Variants in PDE3B observed in about 807,000 individuals in gnomAD.
PDE3B encodes phosphodiesterase 3B.
PDE3B carries 66 observed loss-of-function variants against 116.8 expected under a neutral mutation model. The ratio of observed to expected loss-of-function variants is 0.56; its 90% confidence interval spans 0.46 to 0.69. The LOEUF (loss-of-function observed/expected upper bound fraction) is 0.69. Ranked by LOEUF, PDE3B falls within the 30% of genes least tolerant of loss-of-function variation. The pLI is 0.00. For synonymous variants in PDE3B, 595 were observed against 533.6 expected, an observed-to-expected ratio of 1.12 and a Z score of -1.59; for missense variants, 1,384 against 1,368.1, an observed-to-expected ratio of 1.01 and a Z score of -0.18.
rs533202819 is a variant in PDE3B at position 14,784,688 on chromosome 11, T to C, written c.1030-1749T>C. ...GCAAACTTATGGCCTGACAGAAGTA[T>C]TTACCTTAAAAGGATACAATATGAA... is the stretch of plus-strand genomic sequence containing the variant. On this transcript the variant is annotated intron_variant, in intron 2 of 15. Coordinates refer to ENST00000282096, the MANE Select transcript of PDE3B (RefSeq NM_000922.4). 3.3e-5 allele frequency among the ~76,000 whole-genome samples: 5 copies of C among 152,170 alleles called. No individual in the cohort carries two copies. In the East Asian group the frequency reaches 7.7e-4, roughly 23 times the overall value.
intron 1 of PDE3B, among the ~76,000 whole-genome samples, chr11:14,655,147 TAAAAG>T (rs1853678349): frequency 6.6e-6 from 1 of 151,908 alleles, no homozygotes; most frequent in African/African-American, 2.4e-5. Flanking sequence ...AGGTTGGAAA[TAAAAG>T]AATGGAAAAA....
At chr11:14,662,794 A>G (rs1853976323) in intron 1 of PDE3B, among the ~76,000 whole-genome samples, 1 of 152,236 alleles carries the variant, frequency 6.6e-6, no homozygotes, top group South Asian at 2.1e-4. Context: ...GCCTCCAAGA[A>G]ATATGGGACT....
chr11:14,892,196 G>T, the PDE3B span: 2 of 1,610,154 alleles, frequency 1.2e-6, no homozygotes, highest in South Asian at 1.1e-5. Context: ...GCTCTCCAAA[G>T]CTTCCACATC....
At chr11:14,867,398 T>C in intron 14 of PDE3B, 108 bp from the exon 15 acceptor site, 1 of 859,566 alleles carries the variant, frequency 1.2e-6, no homozygotes, top group Admixed American at 2.8e-5. Flanking sequence ...AAAAAATATT[T>C]TGATATAGAT....
At chr11:14,663,139 G>C (rs2133766046) in intron 1 of PDE3B, among the ~76,000 whole-genome samples, 1 of 152,272 alleles carries the variant, frequency 6.6e-6, no homozygotes, top group Admixed American at 6.5e-5. Flanking sequence ...CCAGAAGAGA[G>C]TGGGGGCCAA....
chr11:14,671,168 A>G (rs1326749866), intron 1 of PDE3B, among the ~76,000 whole-genome samples: 1 of 152,200 alleles, frequency 6.6e-6, no homozygotes, highest in Non-Finnish European at 1.5e-5. Context: ...AATAAATTTC[A>G]GGTAGTTTTA....
intron 1 of PDE3B, among the ~76,000 whole-genome samples, chr11:14,731,339 A>G (rs1382184983): frequency 6.7e-6 from 1 of 150,270 alleles, no homozygotes; most frequent in African/African-American, 2.5e-5. Context: ...GCTCACTGCA[A>G]GTTCCGCGTC....
chr11:14,779,055 G>A (rs1393953428), intron 2 of PDE3B, among the ~76,000 whole-genome samples: 1 of 152,134 alleles, frequency 6.6e-6, no homozygotes, highest in Non-Finnish European at 1.5e-5. Flanking sequence ...ATTCGATCAA[G>A]TAGAAGAAAG....
chr11:14,721,934 A>C (rs1339191308), intron 1 of PDE3B, among the ~76,000 whole-genome samples: 1 of 148,490 alleles, frequency 6.7e-6, no homozygotes, highest in Admixed American at 6.8e-5. Context: ...ATTAAAAAAA[A>C]AAAAAAAGAA....
chr11:14,796,444 A>G (rs763912222), intron 4 of PDE3B, among the ~76,000 whole-genome samples: 1 of 152,244 alleles, frequency 6.6e-6, no homozygotes, highest in South Asian at 2.1e-4. Flanking sequence ...AAGAATCGCC[A>G]CACTGTCTTC....
rs1266665631 is a variant in PDE3B at position 14,643,847 on chromosome 11, T to C, written c.-229T>C. On this transcript the variant is annotated 5_prime_UTR_variant, in exon 1 of 16. Transcript: ENST00000282096. ...AGGGAAAAGGAGGCGGCAGCTAAACTGGTCCTGGAGAGAAGCCCCTTCCGC... is the reference window on the plus strand; with the variant it reads ...AGGGAAAAGGAGGCGGCAGCTAAACCGGTCCTGGAGAGAAGCCCCTTCCGC... The C allele has an allele frequency of 4.0e-6, 2 of 498,316 alleles. No homozygotes were observed. Among genetic ancestry groups the C allele is most frequent in the African/African-American group, 4.0e-5 (2 of 49,704 alleles). 30.9% of individuals were successfully genotyped at this position (498,316 alleles called of 1,614,324 possible). A position where few individuals can be genotyped will look rare whatever the true frequency, so the allele number is the denominator to read the frequency against.
At chr11:14,782,077 A>G (rs1414390054) in intron 2 of PDE3B, among the ~76,000 whole-genome samples, 3 of 152,190 alleles carry the variant, frequency 2.0e-5, no homozygotes, top group African/African-American at 7.2e-5. Context: ...AAGAGAATAA[A>G]ATACCTAGGA....
chr11:14,881,066 A>T, the PDE3B span, among the ~76,000 whole-genome samples: 1 of 152,142 alleles, frequency 6.6e-6, no homozygotes, highest in Non-Finnish European at 1.5e-5. Flanking sequence ...TATATTATCC[A>T]ACTTTTACTA....
In PDE3B at chr11:14,800,662, T is replaced by C. The variant is rs565390992; in HGVS notation, c.1416-3282T>C. Among the ~76,000 whole-genome samples the C allele has an allele frequency of 1.9e-4, 29 of 152,286 alleles. No homozygotes were observed. In the South Asian group the frequency reaches 5.8e-3, roughly 30 times the overall value. On this transcript the variant is annotated intron_variant, in intron 4 of 15. Coordinates refer to ENST00000282096, the MANE Select transcript of PDE3B (RefSeq NM_000922.4). ...GGGTTGCTCTTCTCAAGGAATATCATTGTGGTATTCTCTGTATTTCCTGAA... is the reference window on the plus strand; with the variant it reads ...GGGTTGCTCTTCTCAAGGAATATCACTGTGGTATTCTCTGTATTTCCTGAA...
chr11:14,889,092 T>C, the PDE3B span, among the ~76,000 whole-genome samples: 8 of 152,206 alleles, frequency 5.3e-5, no homozygotes, highest in African/African-American at 1.9e-4. Context: ...CAAAGCAGAA[T>C]TGAATTCACA....
chr11:14,799,757 CTTTT>C (rs60506229), intron 4 of PDE3B, among the ~76,000 whole-genome samples: 37 of 107,996 alleles, frequency 3.4e-4, no homozygotes, highest in Non-Finnish European at 4.6e-4. Flanking sequence ...CAACTCCTGC[CTTTT>C]TTTTTTTTTT....
chr11:14,710,372 G>C (rs1193028019), intron 1 of PDE3B, among the ~76,000 whole-genome samples: 1 of 152,070 alleles, frequency 6.6e-6, no homozygotes, highest in Non-Finnish European at 1.5e-5. Flanking sequence ...TCTTCTTATG[G>C]AAATATATCT....
At chr11:14,793,323 C>T (rs1259600750) in intron 4 of PDE3B, among the ~76,000 whole-genome samples, 1 of 152,004 alleles carries the variant, frequency 6.6e-6, no homozygotes, top group Non-Finnish European at 1.5e-5. Context: ...GGGGATACAA[C>T]CCAATATTCA....
the PDE3B span, among the ~76,000 whole-genome samples, chr11:14,877,140 A>AAATGGGTC: frequency 6.6e-6 from 1 of 152,164 alleles, no homozygotes; most frequent in African/African-American, 2.4e-5. Context: ...AAATAGCTAT[A>AAATGGGTC]AATGGGTCAA....
Sources: allele counts gnomAD v4.1 joint callset (sites outside exome capture counted in the v4.1 genomes callset), GRCh38; gene constraint gnomAD v4.1.1; transcripts MANE v1.5; gene names NCBI Gene and HGNC (gene_info 2026-07-23, HGNC 2026-07-21).